The following CEP112 variants were observed in gnomAD, a reference collection of about 807,000 sequenced individuals.
CEP112 encodes the protein centrosomal protein 112, also known as centrosomal protein of 112 kDa.
In CEP112, 127 loss-of-function variants were observed where a neutral mutation model predicts 153.0. The ratio of observed to expected loss-of-function variants is 0.83; its 90% confidence interval spans 0.72 to 0.96. The LOEUF is 0.96. CEP112 is among the 40% of genes least tolerant of loss of function. The pLI is 0.00. For missense variants in CEP112, 1,089 were observed against 1,101.2 expected, an observed-to-expected ratio of 0.99 and a Z score of 0.16; for synonymous variants, 358 against 374.4, an observed-to-expected ratio of 0.96 and a Z score of 0.51.
Position 65,953,415 on chromosome 17 carries a change from A to G in CEP112, c.1872+8048T>C, listed in dbSNP as rs1482268655. Among the ~76,000 whole-genome samples the G allele has an allele frequency of 3.9e-5, 6 of 152,346 alleles. No individual in the cohort carries two copies. In the South Asian group the frequency reaches 6.2e-4, roughly 16 times the overall value. The stretch of plus-strand genomic sequence containing the variant: ...ATCGTGAACTTTGGCTCCAAGAACT[A>G]CTACAGGAACATAGCAGGAAAGCTG... On this transcript the variant is annotated intron_variant, in intron 18 of 26. Transcript: ENST00000535342.
Position 66,085,745 on chromosome 17 carries a change from G to A in CEP112, c.768+10506C>T, listed in dbSNP as rs541861160. Among the ~76,000 whole-genome samples, 367 of 152,216 alleles carry A rather than the reference G, an allele frequency of 2.4e-3. 4 individuals are homozygous for A. The highest frequency in any genetic ancestry group is 9.6e-4 in the Non-Finnish European group (65 of 67,992). ...TGTAATCCCAGCACTTTGGGAGGCC[G>A]AGGCAGGCGGATCACGAGGTCAGGA... On this transcript the variant is annotated intron_variant, in intron 8 of 26. Coordinates refer to ENST00000535342, the MANE Select transcript of CEP112 (RefSeq NM_001199165.4).
At chr17:65,973,779 C>T (rs4239077) in intron 17 of CEP112, among the ~76,000 whole-genome samples, 72,883 of 151,758 alleles carry the variant, frequency 0.48, 18,461 homozygotes, top group East Asian at 0.89. Flanking sequence ...AACAAGAGAA[C>T]GTTTGGGGTG....
chr17:65,970,717 G>T (rs942106117), intron 17 of CEP112, among the ~76,000 whole-genome samples: 3 of 89,158 alleles, frequency 3.4e-5, no homozygotes, highest in African/African-American at 1.1e-4. Context: ...CACATGACAT[G>T]TGCCTTTATC....
At chr17:66,036,603 A>G (rs75091536) in intron 12 of CEP112, among the ~76,000 whole-genome samples, 6,072 of 152,262 alleles carry the variant, frequency 0.04, 166 homozygotes, top group South Asian at 0.11. Context: ...TGAGGTAGGT[A>G]TCATTAACAT....
intron 24 of CEP112, among the ~76,000 whole-genome samples, chr17:65,654,343 C>T (rs2045950238): frequency 1.3e-5 from 2 of 152,184 alleles, no homozygotes; most frequent in African/African-American, 4.8e-5. Flanking sequence ...CATTTCCCGC[C>T]TTTCTTCAAT....
intron 4 of CEP112, among the ~76,000 whole-genome samples, chr17:66,152,883 C>T (rs932231354): frequency 6.6e-6 from 1 of 152,264 alleles, no homozygotes; most frequent in East Asian, 1.9e-4. Context: ...TTAGAACAGA[C>T]ATTTCTTCAA....
intron 12 of CEP112, among the ~76,000 whole-genome samples, chr17:66,044,033 T>A (rs1260873114): frequency 6.6e-6 from 1 of 152,140 alleles, no homozygotes; most frequent in Non-Finnish European, 1.5e-5. Flanking sequence ...TCCGTCCATG[T>A]TTCTCTATAT....
At chr17:65,870,740 T>G (rs1260691764) in intron 20 of CEP112, among the ~76,000 whole-genome samples, 6 of 152,230 alleles carry the variant, frequency 3.9e-5, no homozygotes, top group Non-Finnish European at 8.8e-5. Context: ...CAGGAAGATG[T>G]TATTTGCAGC....
chr17:65,881,661 C>T (rs138753769), intron 20 of CEP112, among the ~76,000 whole-genome samples: 201 of 152,200 alleles, frequency 1.3e-3, no homozygotes, highest in African/African-American at 4.4e-3. Context: ...CAGCAGTGCC[C>T]CATGACACAA....
chr17:65,816,027 G>A (rs773302399), intron 21 of CEP112, among the ~76,000 whole-genome samples: 1 of 152,018 alleles, frequency 6.6e-6, no homozygotes, highest in Non-Finnish European at 1.5e-5. Flanking sequence ...GTGAATAGAA[G>A]TGGTAACAGT....
At chr17:65,666,306 T>C (rs1328390315) in intron 24 of CEP112, among the ~76,000 whole-genome samples, 1 of 152,224 alleles carries the variant, frequency 6.6e-6, no homozygotes, top group Non-Finnish European at 1.5e-5. Flanking sequence ...TCTCCATTGC[T>C]GGTCAACCTT....
intron 17 of CEP112, among the ~76,000 whole-genome samples, chr17:65,992,318 T>C (rs533454366): frequency 6.6e-6 from 1 of 152,266 alleles, no homozygotes; most frequent in African/African-American, 2.4e-5. Context: ...TGTTTAAAAA[T>C]ATAACTTCTT....
chr17:65,951,610 C>T (rs1473237268), intron 18 of CEP112, among the ~76,000 whole-genome samples: 1 of 152,028 alleles, frequency 6.6e-6, no homozygotes, highest in Non-Finnish European at 1.5e-5. Context: ...TCTAACTCCT[C>T]GTTTTTATGG....
rs1429368177 is a variant in CEP112 at position 66,183,354 on chromosome 17, A to G, written c.-8-47T>C. On this transcript the variant is annotated intron_variant, in intron 1 of 26. Transcript: ENST00000535342. ...AATATTAAGGATTTGTATGCTGAAA[A>G]CTACAAAACTCTGATGAGAAAGATA... The G allele has an allele frequency of 2.3e-6, 3 of 1,287,156 alleles. No homozygotes were observed. The East Asian group carries it at 7.0e-5, about 30-fold the overall frequency. 79.7% of individuals were successfully genotyped at this position (1,287,156 alleles called of 1,614,324 possible).
intron 21 of CEP112, among the ~76,000 whole-genome samples, chr17:65,806,117 C>T (rs919843560): frequency 9.9e-5 from 15 of 152,186 alleles, no homozygotes; most frequent in African/African-American, 3.6e-4. Context: ...AATTAGGGTG[C>T]TATAGTTGGA....
At chr17:66,118,735 A>G (rs1301504768) in intron 6 of CEP112, among the ~76,000 whole-genome samples, 1 of 152,206 alleles carries the variant, frequency 6.6e-6, no homozygotes, top group African/African-American at 2.4e-5. Flanking sequence ...TTCCTAACAC[A>G]AAGAAATGGT....
At chr17:66,107,093 G>T (rs9893136) in intron 6 of CEP112, among the ~76,000 whole-genome samples, 63 of 151,950 alleles carry the variant, frequency 4.1e-4, no homozygotes, top group African/African-American at 1.5e-3. Flanking sequence ...AAAATTCAGC[G>T]TCCCTTCATG....
chr17:65,913,878 A>C (rs996314821), intron 19 of CEP112: 2 of 985,168 alleles, frequency 2.0e-6, no homozygotes, highest in African/African-American at 3.5e-5. Flanking sequence ...CCCATTTAAC[A>C]CTTCAAAACA....
intron 21 of CEP112, among the ~76,000 whole-genome samples, chr17:65,785,036 AG>A (rs1400611665): frequency 6.6e-6 from 1 of 152,190 alleles, no homozygotes; most frequent in African/African-American, 2.4e-5. Flanking sequence ...TTCTGTCTCT[AG>A]GGATTTTTCC....
Sources: gnomAD v4.1 joint callset for allele counts (sites outside exome capture counted in the v4.1 genomes callset) on GRCh38, gnomAD v4.1.1 for gene constraint, MANE v1.5 for transcripts, NCBI Gene and HGNC (gene_info 2026-07-23, HGNC 2026-07-21) for gene names.